GLIS3: variants seen among roughly 807,000 people sequenced by gnomAD.
The protein encoded by GLIS3 is GLIS family zinc finger 3, also known as zinc finger protein GLIS3.
Under a neutral mutation model 78.6 loss-of-function variants are expected in GLIS3, and 53 were observed. The observed-to-expected ratio is 0.67, with a 90% CI of 0.54 to 0.85. The LOEUF is 0.85. Among genes scored for constraint, GLIS3 ranks in the 40% least tolerant of loss-of-function variants. The pLI, the probability that GLIS3 is intolerant of heterozygous loss-of-function variation, is 0.00. For synonymous variants in GLIS3, 684 were observed against 509.9 expected (o/e 1.34, Z -4.60); for missense variants, 1,703 against 1,231.1 (o/e 1.38, Z -5.74).
At chr9:4,158,834 A>C (rs888839699) in intron 2 of GLIS3, among the ~76,000 whole-genome samples, 10 of 152,186 alleles carry the variant, frequency 6.6e-5, no homozygotes, top group African/African-American at 2.2e-4. Flanking sequence ...CAAAGACATA[A>C]AATAGATGAG....
intron 2 of GLIS3, among the ~76,000 whole-genome samples, chr9:4,192,218 C>T (rs542470064): frequency 3.9e-4 from 60 of 152,294 alleles, no homozygotes; most frequent in African/African-American, 1.3e-3. Flanking sequence ...CCTTTACCAG[C>T]ATTCAGTTTT....
chr9:4,187,262 C>T (rs1817892049), intron 2 of GLIS3, among the ~76,000 whole-genome samples: 1 of 152,184 alleles, frequency 6.6e-6, no homozygotes, highest in Non-Finnish European at 1.5e-5. Context: ...AATCCTTTCC[C>T]CATTGCTTGT....
rs184851141 is a variant in GLIS3, at chr9:4,247,287, C to T, written c.388+38751G>A. 1.0e-3 allele frequency among the ~76,000 whole-genome samples: 156 copies of T among 151,984 alleles called. 1 individual carries two copies. The highest frequency in any genetic ancestry group is 3.7e-3 in the African/African-American group (153 of 41,440). ...GGATATAGCCTTAAAGCTGAAAGTA[C>T]GGTTGTTTTAAAACAAAAGTAAAGG... is the stretch of plus-strand genomic sequence containing the variant. On this transcript the variant is annotated intron_variant, in intron 2 of 10. Coordinates refer to ENST00000381971, the MANE Select transcript of GLIS3 (RefSeq NM_001042413.2).
At chr9:4,488,287 T>C in the GLIS3 span, among the ~76,000 whole-genome samples, 121 of 152,260 alleles carry the variant, frequency 7.9e-4, 2 homozygotes, top group African/African-American at 2.7e-3. Context: ...GTGATCAAAT[T>C]GTACATGCAA....
At chr9:4,047,199 C>G (rs775165010) in intron 4 of GLIS3, among the ~76,000 whole-genome samples, 5 of 152,094 alleles carry the variant, frequency 3.3e-5, no homozygotes, top group African/African-American at 1.2e-4. Context: ...GCTCTTCCCC[C>G]TTCGCTCTGT....
chr9:3,921,920 G>T (rs990357104), intron 6 of GLIS3, among the ~76,000 whole-genome samples: 1 of 25,320 alleles, frequency 3.9e-5, no homozygotes, highest in Non-Finnish European at 7.9e-5. Flanking sequence ...CCATCATACT[G>T]TGTACACACA....
chr9:4,300,816 A>G (rs1817037764), upstream of GLIS3, among the ~76,000 whole-genome samples: 1 of 151,950 alleles, frequency 6.6e-6, no homozygotes, highest in Non-Finnish European at 1.5e-5. Context: ...ATTGCCACAG[A>G]TGCAAGGACT....
At chr9:4,135,904 A>C (rs1392555657) in intron 2 of GLIS3, among the ~76,000 whole-genome samples, 2 of 152,160 alleles carry the variant, frequency 1.3e-5, no homozygotes, top group African/African-American at 4.8e-5. Flanking sequence ...TAGGCTTGCT[A>C]TGTAGTGTTT....
chr9:4,252,155 T>G (rs1027902742), intron 2 of GLIS3, among the ~76,000 whole-genome samples: 11 of 152,200 alleles, frequency 7.2e-5, no homozygotes, highest in African/African-American at 2.7e-4. Context: ...TTGGCCTGTC[T>G]TGCTAGGTTG....
intron 2 of GLIS3, among the ~76,000 whole-genome samples, chr9:4,339,899 A>C (rs1332101457): frequency 8.6e-6 from 1 of 115,788 alleles, no homozygotes; most frequent in African/African-American, 3.2e-5. Flanking sequence ...AAGGAAAGGA[A>C]AAGAAAAGAG....
chr9:4,017,034 T>C (rs1822500965), intron 4 of GLIS3, among the ~76,000 whole-genome samples: 1 of 152,182 alleles, frequency 6.6e-6, no homozygotes, highest in African/African-American at 2.4e-5. Flanking sequence ...GTGCCTGTCA[T>C]CTGGTCCTGA....
At chr9:3,947,515 A>T (rs1057267307) in intron 4 of GLIS3, among the ~76,000 whole-genome samples, 9 of 152,236 alleles carry the variant, frequency 5.9e-5, no homozygotes, top group African/African-American at 2.2e-4. Flanking sequence ...TAACACTTGC[A>T]CACATATCCC....
chr9:4,199,534 A>G (rs763078379), intron 2 of GLIS3, among the ~76,000 whole-genome samples: 19 of 150,552 alleles, frequency 1.3e-4, no homozygotes, highest in Non-Finnish European at 2.4e-4. Context: ...GACTTTTCCA[A>G]CAAGAGCAAA....
At chr9:4,063,758 T>A (rs183533760) in intron 4 of GLIS3, among the ~76,000 whole-genome samples, 9 of 152,250 alleles carry the variant, frequency 5.9e-5, no homozygotes, top group Admixed American at 5.2e-4. Flanking sequence ...TTAAGGCAGA[T>A]GAGAGTTCAG....
the GLIS3 span, among the ~76,000 whole-genome samples, chr9:4,418,173 T>C: frequency 6.6e-6 from 1 of 152,224 alleles, no homozygotes; most frequent in African/African-American, 2.4e-5. Context: ...ACAAATGTAC[T>C]GGATATAGCC....
At chr9:4,481,159 T>C in the GLIS3 span, among the ~76,000 whole-genome samples, 2 of 150,986 alleles carry the variant, frequency 1.3e-5, no homozygotes, top group East Asian at 2.0e-4. Flanking sequence ...CCCAGCCCTA[T>C]CTACTGTTTT....
chr9:4,182,071 C>T (rs1232695750), intron 2 of GLIS3, among the ~76,000 whole-genome samples: 1 of 152,110 alleles, frequency 6.6e-6, no homozygotes, highest in African/African-American at 2.4e-5. Flanking sequence ...TTTAAGTACA[C>T]CTATGTTGAG....
At chr9:4,190,123 C>T (rs1202172179) in intron 2 of GLIS3, among the ~76,000 whole-genome samples, 3 of 152,126 alleles carry the variant, frequency 2.0e-5, no homozygotes, top group African/African-American at 7.2e-5. Flanking sequence ...AAAAGCAGAG[C>T]GCCTCTCCTC....
chr9:3,953,795 C>CTCTCTCTA (rs1403671770), intron 4 of GLIS3, among the ~76,000 whole-genome samples: 212 of 73,182 alleles, frequency 2.9e-3, no homozygotes, highest in Admixed American at 6.3e-3. Context: ...CTCTCTCTCT[C>CTCTCTCTA]TATATATATA....
Sources: allele counts gnomAD v4.1 joint callset (sites outside exome capture counted in the v4.1 genomes callset), GRCh38; gene constraint gnomAD v4.1.1; transcripts MANE v1.5; gene names NCBI Gene and HGNC (gene_info 2026-07-23, HGNC 2026-07-21).